Variants in ZZEF1 observed in about 807,000 individuals in gnomAD.
The protein encoded by ZZEF1 is zinc finger ZZ-type and EF-hand domain containing 1, also known as zinc finger ZZ-type and EF-hand domain-containing protein 1.
In ZZEF1, 157 loss-of-function variants were observed where a neutral mutation model predicts 342.8. That is an observed-to-expected ratio of 0.46 (90% CI 0.40 to 0.52). ZZEF1 has a LOEUF of 0.52. ZZEF1 is among the 20% of genes least tolerant of loss of function. The pLI is 0.00. For missense variants in ZZEF1, 3,480 were observed against 3,725.6 expected, an observed-to-expected ratio of 0.93 and a Z score of 1.72; for synonymous variants, 1,505 against 1,429.1, an observed-to-expected ratio of 1.05 and a Z score of -1.20.
chr17:4,111,550 T>G (rs1207952240), intron 5 of ZZEF1, among the ~76,000 whole-genome samples: 4 of 150,664 alleles, frequency 2.7e-5, no homozygotes, highest in African/African-American at 7.3e-5. Context: ...TCGCAGCTAC[T>G]CGGGAGACTA....
intron 36 of ZZEF1, 92 bp downstream of exon 36, chr17:4,050,689 C>T: frequency 6.4e-7 from 1 of 1,569,988 alleles, no homozygotes; most frequent in East Asian, 2.2e-5. Context: ...ATGTTGCCAC[C>T]TGTAAACTAA....
intron 1 of ZZEF1, among the ~76,000 whole-genome samples, chr17:4,139,688 A>T (rs1057061058): frequency 1.3e-5 from 2 of 152,226 alleles, no homozygotes; most frequent in African/African-American, 4.8e-5. Context: ...CAGCCATCAC[A>T]AGATTATCAT....
intron 8 of ZZEF1, among the ~76,000 whole-genome samples, chr17:4,103,914 T>A (rs1216315216): frequency 6.6e-6 from 1 of 151,864 alleles, no homozygotes; most frequent in Non-Finnish European, 1.5e-5. Context: ...AGCAAGACAC[T>A]CTCTCTCAAA....
At chr17:4,050,212 G>C (rs1404345308) in intron 36 of ZZEF1, among the ~76,000 whole-genome samples, 1 of 152,206 alleles carries the variant, frequency 6.6e-6, no homozygotes, top group African/African-American at 2.4e-5. Flanking sequence ...TATGGGAACT[G>C]CTCTAAGGTG....
rs754164764 is a variant in ZZEF1, at chr17:4,050,909, T to C, written c.5735A>G (p.His1912Arg). ...ATCCACATCCTCTGCACTGGCCAGG[T>C]GGGCGCTATAGAGAGCCAGGGCAGC... ...LFAALALYSA[H>R]LASAEDVDGE... Residue 1912 changes from histidine (H) to arginine (R), a missense_variant, in exon 36 of 55, where the codon CAC becomes CGC. Physicochemically the swap from His to Arg is conservative, Grantham distance 29. Transcript: ENST00000381638. The C allele has an allele frequency of 1.9e-6, 3 of 1,614,166 alleles. No individual in the cohort carries two copies. The East Asian group carries it at 6.7e-5, about 36-fold the overall frequency.
Position 4,008,596 on chromosome 17 carries a change from G to A in ZZEF1, c.8805+287C>T, listed in dbSNP as rs375266505. On this transcript the variant is annotated intron_variant, in intron 54 of 54. Coordinates refer to ENST00000381638, the MANE Select transcript of ZZEF1 (RefSeq NM_015113.4). This position sits in a 1 kb window ranked among gnomAD's most constrained non-coding sequence, Gnocchi z 4.2. Reference sequence around the variant, plus strand: ...AAAAATATGTGAAATCTAACTCCACGGAAACTTCAAGAATCAGCCAAACTA... The same window carrying A: ...AAAAATATGTGAAATCTAACTCCACAGAAACTTCAAGAATCAGCCAAACTA... The A allele has an allele frequency of 7.9e-6, 9 of 1,146,354 alleles. No individual in the cohort carries two copies. The African/African-American group carries it at 1.1e-4, about 14-fold the overall frequency. 71.0% of individuals were successfully genotyped at this position (1,146,354 alleles called of 1,614,324 possible).
chr17:4,088,626 T>C, intron 13 of ZZEF1, 52 bp downstream of exon 13: 10 of 1,583,354 alleles, frequency 6.3e-6, no homozygotes, highest in South Asian at 1.1e-5. Context: ...CTCTGAATAC[T>C]GTCATTCACT....
In ZZEF1 at chr17:4,096,655, GA is replaced by G; in HGVS notation, c.1717del (p.Ser573LeufsTer13). 1 of 1,614,082 alleles carries G rather than the reference GA, an allele frequency of 6.2e-7. No individual in the cohort carries two copies. On this transcript the variant is annotated frameshift_variant, in exon 10 of 55. Coordinates refer to ENST00000381638, the MANE Select transcript of ZZEF1 (RefSeq NM_015113.4). LOFTEE classifies it high-confidence loss of function. The part of the protein sequence containing the change: ...TGKTRASTIF[S>X]TGTESAFQVT... ...TTGGAAGGCAGATTCAGTTCCGGTA[GA>G]AAAAATAGTGCTGGCTCTGGTTTTT...
intron 24 of ZZEF1, among the ~76,000 whole-genome samples, chr17:4,073,838 T>C (rs897093756): frequency 1.3e-5 from 2 of 152,106 alleles, no homozygotes; most frequent in African/African-American, 4.8e-5. Context: ...ACTTATTCTA[T>C]ACTCCTGCCT....
At chr17:4,141,212 A>G (rs1249970323) in intron 1 of ZZEF1, among the ~76,000 whole-genome samples, 4 of 152,182 alleles carry the variant, frequency 2.6e-5, no homozygotes, top group Non-Finnish European at 2.9e-5. Context: ...CCCAGCCATG[A>G]CTATTATTTT....
chr17:4,105,862 A>G, intron 6 of ZZEF1, 53 bp from the exon 7 acceptor site: 1 of 1,441,802 alleles, frequency 6.9e-7, no homozygotes, highest in East Asian at 2.3e-5. Flanking sequence ...CCGAATTTAG[A>G]CAAAAAATAA....
chr17:4,023,749 T>C (rs1322863484), intron 43 of ZZEF1, among the ~76,000 whole-genome samples: 1 of 151,784 alleles, frequency 6.6e-6, no homozygotes, highest in Non-Finnish European at 1.5e-5. Context: ...AGAGGACCCC[T>C]TAAACCAAAG....
At chr17:4,133,093 T>C (rs1180580784) in intron 1 of ZZEF1, among the ~76,000 whole-genome samples, 2 of 152,196 alleles carry the variant, frequency 1.3e-5, no homozygotes, top group African/African-American at 4.8e-5. Context: ...GTTCACATTA[T>C]AGCATACTGA....
rs556183146 is a variant in ZZEF1 at position 4,016,243 on chromosome 17, T to C, written c.8145+80A>G. 2.7e-6 allele frequency: 4 copies of C among 1,505,144 alleles called. No homozygotes were observed. The highest frequency in any genetic ancestry group is 2.8e-5 in the African/African-American group (2 of 70,934). The allele number at this position is 1,505,144 out of a possible 1,614,324, so 93.2% of individuals were successfully genotyped here. A position where few individuals can be genotyped will look rare whatever the true frequency, so the allele number is the denominator to read the frequency against. On this transcript the variant is annotated intron_variant, in intron 49 of 54. Coordinates refer to ENST00000381638, the MANE Select transcript of ZZEF1 (RefSeq NM_015113.4). The surrounding 1 kb of genome is among the most constrained non-coding windows in gnomAD (Gnocchi z 4.4). ...GAGAGAGCCACAGAGGGGCTGAGCATGGAGGGGCTGAGCACGGAGGGGCTG... is the reference window on the plus strand; with the variant it reads ...GAGAGAGCCACAGAGGGGCTGAGCACGGAGGGGCTGAGCACGGAGGGGCTG...
Position 4,016,430 on chromosome 17 carries a change from T to A in ZZEF1, c.8038A>T (p.Met2680Leu), listed in dbSNP as rs781470770. ...QKVLQGCRED[M>L]LGTMALAACQ... is the part of the protein sequence containing the mutation. ...GCAGCCAGGGCCATGGTCCCCAGCA[T>A]GTCCTCTCGGCAGCCCTGGAGCACT... Residue 2680 changes from methionine (M) to leucine (L), a missense_variant, in exon 49 of 55, where the codon ATG (methionine) becomes TTG (leucine). Met to Leu is a conservative substitution (Grantham distance 15). This residue lies in a region of ZZEF1 where 1,269 missense variants were observed against 1,342.4 expected (regional missense o/e 0.95). Transcript: ENST00000381638. The surrounding 1 kb of genome is among the most constrained non-coding windows in gnomAD (Gnocchi z 4.4). The A allele has an allele frequency of 4.3e-6, 7 of 1,613,838 alleles. No homozygotes were observed. The East Asian group carries it at 1.6e-4, about 36-fold the overall frequency.
At chr17:4,130,958 C>A (rs887604067) in intron 1 of ZZEF1, among the ~76,000 whole-genome samples, 1 of 152,088 alleles carries the variant, frequency 6.6e-6, no homozygotes, top group Admixed American at 6.6e-5. Flanking sequence ...CACATGGAAG[C>A]CAGAAGGCAA....
At chr17:4,093,211 C>T (rs2057976739) in intron 11 of ZZEF1, among the ~76,000 whole-genome samples, 1 of 152,090 alleles carries the variant, frequency 6.6e-6, no homozygotes, top group African/African-American at 2.4e-5. Context: ...TTTAATTTGT[C>T]CCAAGAGTAG....
Position 4,066,497 on chromosome 17 carries a change from G to A in ZZEF1, c.4199C>T (p.Ala1400Val). 1.2e-6 allele frequency: 2 copies of A among 1,614,080 alleles called. No individual in the cohort carries two copies. The highest frequency in any genetic ancestry group is 1.7e-6 in the Non-Finnish European group (2 of 1,180,018). ...AGCTTCTGAACTATGTTTTTCTTCTGCTTCATTCCCCAGGCTCATCAGGGA... is the reference window on the plus strand; with the variant it reads ...AGCTTCTGAACTATGTTTTTCTTCTACTTCATTCCCCAGGCTCATCAGGGA... ...QKSLMSLGNEAEEKHSSEATE... is the reference protein window; with the variant it reads ...QKSLMSLGNEVEEKHSSEATE... Residue 1400 changes from alanine to valine, a missense_variant, in exon 28 of 55, where the codon GCA becomes GTA. Transcript: ENST00000381638.
At chr17:4,065,397 C>CA (rs375097426) in intron 28 of ZZEF1, among the ~76,000 whole-genome samples, 24,438 of 123,164 alleles carry the variant, frequency 0.2, 2,175 homozygotes, top group African/African-American at 0.28. Context: ...ACACTGTCTC[C>CA]AAAAAAAAAA....
Sources: allele counts gnomAD v4.1 joint callset (sites outside exome capture counted in the v4.1 genomes callset), GRCh38; gene constraint gnomAD v4.1.1; regional missense constraint gnomAD v4.1.1; non-coding constraint Gnocchi (gnomAD v3.1); transcripts MANE v1.5; gene names NCBI Gene and HGNC (gene_info 2026-07-23, HGNC 2026-07-21).